Variants in JAK2 observed in about 807,000 individuals in gnomAD.
JAK2 encodes tyrosine-protein kinase JAK2.
Under a neutral mutation model 139.3 loss-of-function variants are expected in JAK2, and 86 were observed. The ratio of observed to expected loss-of-function variants is 0.62; its 90% CI spans 0.52 to 0.74. JAK2 has a LOEUF of 0.74. Ranked by LOEUF, JAK2 falls within the 30% of genes least tolerant of loss-of-function variation. The pLI, the probability that JAK2 is intolerant of heterozygous loss-of-function variation, is 0.00. For missense variants in JAK2, 1,421 were observed against 1,360.3 expected (o/e 1.04, Z -0.70); for synonymous variants, 490 against 437.7 (o/e 1.12, Z -1.49).
intron 2 of JAK2, among the ~76,000 whole-genome samples, chr9:5,012,651 A>G (rs1348543041): frequency 1.3e-5 from 2 of 152,198 alleles, no homozygotes; most frequent in African/African-American, 4.8e-5. Context: ...TAAATTAAAT[A>G]TTTAGTAAGA....
At chr9:5,041,366 A>C in intron 4 of JAK2, 6 of 621,724 alleles carry the variant, frequency 9.7e-6, no homozygotes, top group East Asian at 3.0e-5. Flanking sequence ...GAGCATCAAC[A>C]TGCACCTGGG....
intron 22 of JAK2, among the ~76,000 whole-genome samples, chr9:5,121,846 G>C (rs1189661607): frequency 6.6e-6 from 1 of 152,114 alleles, no homozygotes; most frequent in Non-Finnish European, 1.5e-5. Flanking sequence ...AAATGTGCGG[G>C]AAATTACAAT....
chr9:5,002,410 A>C (rs989048226), intron 2 of JAK2, among the ~76,000 whole-genome samples: 12 of 151,980 alleles, frequency 7.9e-5, no homozygotes, highest in African/African-American at 2.9e-4. Flanking sequence ...ATTTAGAACT[A>C]TGTTAATTTT....
intron 2 of JAK2, among the ~76,000 whole-genome samples, chr9:4,999,171 G>A (rs562592501): frequency 1.3e-5 from 2 of 152,254 alleles, no homozygotes; most frequent in Admixed American, 6.5e-5. Flanking sequence ...TACTTCTGAC[G>A]CTGGCCCAAG....
At chr9:5,046,684 G>C (rs1309786990) in intron 5 of JAK2, among the ~76,000 whole-genome samples, 1 of 152,092 alleles carries the variant, frequency 6.6e-6, no homozygotes, top group Non-Finnish European at 1.5e-5. Flanking sequence ...TGGCACCTTT[G>C]TTGAAAATCA....
intron 4 of JAK2, among the ~76,000 whole-genome samples, chr9:5,031,200 A>T (rs904402851): frequency 6.6e-6 from 1 of 152,230 alleles, no homozygotes; most frequent in East Asian, 1.9e-4. Flanking sequence ...ATTTTACGGA[A>T]TTTGACACAT....
At chr9:5,019,202 T>C (rs1340014577) in intron 2 of JAK2, among the ~76,000 whole-genome samples, 2 of 152,178 alleles carry the variant, frequency 1.3e-5, no homozygotes, top group Non-Finnish European at 2.9e-5. Context: ...TAATATTAGT[T>C]TGCTTTATGG....
intron 22 of JAK2, among the ~76,000 whole-genome samples, chr9:5,121,983 A>T (rs1233672603): frequency 6.6e-6 from 1 of 152,154 alleles, no homozygotes. Flanking sequence ...ACATAACTAG[A>T]TATGTAAAAT....
chr9:5,065,122 T>C lies in JAK2; in HGVS notation c.1214+82T>C, dbSNP rs1818477544. 18 of 843,762 alleles carry C rather than the reference T, an allele frequency of 2.1e-5. 1 individual carries two copies. In the East Asian group the frequency reaches 5.6e-4, roughly 26 times the overall value. 52.3% of individuals were successfully genotyped at this position (843,762 alleles called of 1,614,324 possible). A position where few individuals can be genotyped will look rare whatever the true frequency, so the allele number is the denominator to read the frequency against. On this transcript the variant is annotated intron_variant, in intron 9 of 24. Transcript: ENST00000381652. Reference sequence around the variant, plus strand: ...AGAAGATTTAACAGAGTGATACATGTATGTTTAGAAAAAAATAATTTGACA... The same window carrying C: ...AGAAGATTTAACAGAGTGATACATGCATGTTTAGAAAAAAATAATTTGACA...
At chr9:5,029,662 G>C in intron 3 of JAK2, 121 bp from the exon 4 acceptor site, 1 of 804,028 alleles carries the variant, frequency 1.2e-6, no homozygotes, top group Non-Finnish European at 1.9e-6. Context: ...GATTTCGACT[G>C]CTATTACATT....
chr9:5,105,175 CA>C (rs1821849895), intron 22 of JAK2, among the ~76,000 whole-genome samples: 1 of 152,146 alleles, frequency 6.6e-6, no homozygotes, highest in Non-Finnish European at 1.5e-5. Context: ...ATCTCAGCCC[CA>C]AATCTCCTTA....
In JAK2 at chr9:5,097,304, C is replaced by T. The variant is rs1821077111; in HGVS notation, c.3059+6393C>T. On this transcript the variant is annotated intron_variant, in intron 22 of 24. Coordinates refer to ENST00000381652, the MANE Select transcript of JAK2 (RefSeq NM_004972.4). The stretch of plus-strand genomic sequence containing the variant: ...CAATATTAACTGACCGTAACCTCAA[C>T]ACTACTTTTTGACCCTGCTGGTGGG... 2.0e-5 allele frequency: 3 copies of T among 152,218 alleles called. No homozygotes were observed. In the South Asian group the frequency reaches 6.2e-4, roughly 32 times the overall value. The allele number at this position is 152,218 out of a possible 1,614,324, so 9.4% of individuals were successfully genotyped here.
chr9:5,102,434 A>T (rs577904369), intron 22 of JAK2, among the ~76,000 whole-genome samples: 1 of 152,236 alleles, frequency 6.6e-6, no homozygotes, highest in Non-Finnish European at 1.5e-5. Context: ...CCTGAAAGTG[A>T]CGGGGAGAAT....
At chr9:4,990,609 A>G (rs999912680) in intron 2 of JAK2, among the ~76,000 whole-genome samples, 6 of 139,232 alleles carry the variant, frequency 4.3e-5, no homozygotes, top group African/African-American at 2.0e-4. Context: ...GAGACAAAGA[A>G]AAAAACAGTA....
chr9:5,052,886 T>G (rs1043936672), intron 6 of JAK2, among the ~76,000 whole-genome samples: 10 of 152,140 alleles, frequency 6.6e-5, no homozygotes, highest in Admixed American at 2.0e-4. Flanking sequence ...TTTGCTTATT[T>G]GTTCTTCACT....
intron 2 of JAK2, among the ~76,000 whole-genome samples, chr9:5,016,455 A>T (rs4527935): frequency 0.24 from 37,260 of 152,088 alleles, 4,900 homozygotes; most frequent in South Asian, 0.31. Flanking sequence ...CTGCAAACCA[A>T]ATTGCAAAAT....
intron 6 of JAK2, among the ~76,000 whole-genome samples, chr9:5,052,730 A>C (rs1817508757): frequency 6.6e-6 from 1 of 152,110 alleles, no homozygotes; most frequent in African/African-American, 2.4e-5. Flanking sequence ...ATATAAATAG[A>C]ATCATGCAAA....
At position 5,065,035 on chromosome 9, in the gene JAK2, A is replaced by G. The variant is rs1395858203; in HGVS notation, c.1209A>G (p.Pro403=). ...ATATACAAAGCAACTGTCATGGCCC[A>G]ATTTCGTGAGTAATACAGACTTAAA... ...LENIQSNCHG[P]ISMDFAISKL... The change falls in exon 9 of 25, where the codon CCA becomes CCG. Residue 403 remains proline, a synonymous_variant. Transcript: ENST00000381652. The G allele has an allele frequency of 6.3e-7, 1 of 1,577,544 alleles. No homozygotes were observed. Among genetic ancestry groups the G allele is most frequent in the East Asian group, 2.3e-5 (1 of 43,666 alleles).
chr9:5,064,025 G>C lies in JAK2; in HGVS notation c.1057-858G>C, dbSNP rs372713310. On this transcript the variant is annotated intron_variant, in intron 8 of 24. Transcript: ENST00000381652. ...ACAAAAATTAGCCGGGCGTCTTGGCGTGTGCCTGTAATCCCAGCTTTTTGG... is the reference window on the plus strand; with the variant it reads ...ACAAAAATTAGCCGGGCGTCTTGGCCTGTGCCTGTAATCCCAGCTTTTTGG... Among the ~76,000 whole-genome samples the C allele has an allele frequency of 3.3e-4, 50 of 152,138 alleles. No individual in the cohort carries two copies. In the East Asian group the frequency reaches 8.0e-3, roughly 24 times the overall value.
Sources: allele counts gnomAD v4.1 joint callset (sites outside exome capture counted in the v4.1 genomes callset), GRCh38; gene constraint gnomAD v4.1.1; transcripts MANE v1.5; gene names NCBI Gene and HGNC (gene_info 2026-07-23, HGNC 2026-07-21).